SCUBE1: variants seen among roughly 807,000 people sequenced by gnomAD.
SCUBE1 encodes the protein signal peptide, CUB and EGF-like domain-containing protein 1.
In SCUBE1, 59 loss-of-function variants were observed where a neutral mutation model predicts 124.4. The observed-to-expected ratio is 0.47, with a 90% CI of 0.38 to 0.59. SCUBE1 has a LOEUF of 0.59. SCUBE1 is among the 20% of genes least tolerant of loss of function. SCUBE1 has a pLI of 0.00. For missense variants in SCUBE1, 1,150 were observed against 1,371.2 expected (o/e 0.84, Z 2.55); for synonymous variants, 545 against 550.9 (o/e 0.99, Z 0.15).
Position 43,320,079 on chromosome 22 carries a change from G to T in SCUBE1, c.221-14C>A. On this transcript the variant is annotated splice_polypyrimidine_tract_variant and intron_variant, in intron 2 of 21. Coordinates refer to ENST00000360835, the MANE Select transcript of SCUBE1 (RefSeq NM_173050.5). ...ACTCGTCAATGTCTGCAAAAGGAAG[G>T]GCATGAGAGGTGTCAGAAGAAGAGC... 6.2e-7 allele frequency: 1 copy of T among 1,613,394 alleles called. No individual in the cohort carries two copies. The highest frequency in any genetic ancestry group is 8.5e-7 in the Non-Finnish European group (1 of 1,179,568).
chr22:43,231,893 G>T lies in SCUBE1; in HGVS notation c.845-18C>A. 1.2e-6 allele frequency: 2 copies of T among 1,610,610 alleles called. No individual in the cohort carries two copies. The highest frequency in any genetic ancestry group is 8.5e-7 in the Non-Finnish European group (1 of 1,177,300). Reference sequence around the variant, plus strand: ...GTTGATGTCTGTGGGAGCCAAGGGGGATGGAGGAGTGAGAGCCAGGAGAAT... The same window carrying T: ...GTTGATGTCTGTGGGAGCCAAGGGGTATGGAGGAGTGAGAGCCAGGAGAAT... On this transcript the variant is annotated intron_variant, in intron 7 of 21. Coordinates refer to ENST00000360835, the MANE Select transcript of SCUBE1 (RefSeq NM_173050.5).
chr22:43,203,964 C>T lies in SCUBE1; in HGVS notation c.*33G>A. The T allele has an allele frequency of 1.2e-6, 2 of 1,612,250 alleles. No homozygotes were observed. Among genetic ancestry groups the T allele is most frequent in the Non-Finnish European group, 1.7e-6 (2 of 1,178,868 alleles). On this transcript the variant is annotated 3_prime_UTR_variant, in exon 22 of 22. Coordinates refer to ENST00000360835, the MANE Select transcript of SCUBE1 (RefSeq NM_173050.5). ...GAGGGCAGGTGCACCCTCCGCGGACCAGGCCACCCCCAGGCAGGGCCGCTC... is the reference window on the plus strand; with the variant it reads ...GAGGGCAGGTGCACCCTCCGCGGACTAGGCCACCCCCAGGCAGGGCCGCTC...
rs1324417554 is a variant in SCUBE1 at position 43,218,403 on chromosome 22, G to A, written c.1743C>T (p.Ala581=). ...RKRAEQSLQA[A]IKTLRKSIGR... ...CGATGGACTTGCGCAGGGTCTTGAT[G>A]GCGGCCTGCAGGCTCTGTTCTGCTC... is the stretch of plus-strand genomic sequence containing the variant. The change falls in exon 15 of 22, where the codon GCC becomes GCT. Residue 581 remains alanine (A), a synonymous_variant. Transcript: ENST00000360835. 6 of 1,613,280 alleles carry A rather than the reference G, an allele frequency of 3.7e-6. No individual in the cohort carries two copies. The African/African-American group carries it at 6.7e-5, about 18-fold the overall frequency.
intron 4 of SCUBE1, among the ~76,000 whole-genome samples, chr22:43,279,020 G>A (rs1301819575): frequency 6.6e-6 from 1 of 152,192 alleles, no homozygotes. Context: ...GGGAGAGGCA[G>A]AGTGGAAGAC....
intron 2 of SCUBE1, among the ~76,000 whole-genome samples, chr22:43,330,953 G>C (rs5759287): frequency 0.31 from 47,449 of 151,904 alleles, 7,808 homozygotes; most frequent in East Asian, 0.57. Context: ...TTCTCTCCCC[G>C]CTGAGCCTCC....
chr22:43,267,967 G>A (rs750539863), intron 4 of SCUBE1, among the ~76,000 whole-genome samples: 3 of 152,220 alleles, frequency 2.0e-5, no homozygotes. Flanking sequence ...CTGCTCTAGG[G>A]ATGGGCCTGG....
chr22:43,276,706 G>A (rs1924535698), intron 4 of SCUBE1, among the ~76,000 whole-genome samples: 1 of 152,230 alleles, frequency 6.6e-6, no homozygotes, highest in South Asian at 2.1e-4. Context: ...TGGGAAGCCA[G>A]GCTGTGGGCT....
chr22:43,215,409 G>A (rs142876515), intron 15 of SCUBE1, among the ~76,000 whole-genome samples: 1 of 152,374 alleles, frequency 6.6e-6, no homozygotes, highest in Non-Finnish European at 1.5e-5. Flanking sequence ...AATGTGACTA[G>A]TGAGCGTGGA....
intron 3 of SCUBE1, among the ~76,000 whole-genome samples, chr22:43,309,751 C>G (rs1011918505): frequency 1.3e-5 from 2 of 152,170 alleles, no homozygotes; most frequent in African/African-American, 2.4e-5. Flanking sequence ...CCATCTCAGC[C>G]ACAGCAGCAG....
chr22:43,296,969 C>T (rs1925585061), intron 3 of SCUBE1, among the ~76,000 whole-genome samples: 2 of 152,170 alleles, frequency 1.3e-5, no homozygotes, highest in Admixed American at 6.5e-5. Flanking sequence ...TCCTTCAGCC[C>T]GCAGAGCTGG....
rs1282232194 is a variant in SCUBE1 at position 43,222,711 on chromosome 22, T to C, written c.1359A>G (p.Gly453=). The C allele has an allele frequency of 1.2e-6, 2 of 1,606,278 alleles. No homozygotes were observed. The highest frequency in any genetic ancestry group is 1.7e-6 in the Non-Finnish European group (2 of 1,176,632). Residue 453 remains glycine, a synonymous_variant, in exon 12 of 22, where the codon GGA becomes GGG. Transcript: ENST00000360835. ...DSENSYVLSC[G]VPGPQGKALQ... is the part of the protein sequence containing the mutation. ...GCGCCTTGCCCTGCGGCCCTGGAAC[T>C]CCGCAGCTCAGGACGTAGCTATTTT...
chr22:43,243,062 C>T (rs1260792084), intron 6 of SCUBE1, among the ~76,000 whole-genome samples: 2 of 152,238 alleles, frequency 1.3e-5, no homozygotes, highest in Non-Finnish European at 2.9e-5. Flanking sequence ...TGAAACCAAT[C>T]GTGGGCCCTT....
Position 43,211,160 on chromosome 22 carries a change from G to C in SCUBE1, c.2222-77C>G. 2 of 1,437,742 alleles carry C rather than the reference G, an allele frequency of 1.4e-6. No individual in the cohort carries two copies. Among genetic ancestry groups the C allele is most frequent in the African/African-American group, 2.8e-5 (2 of 71,120 alleles). The allele number at this position is 1,437,742 out of a possible 1,614,324, so 89.1% of individuals were successfully genotyped here. On this transcript the variant is annotated intron_variant, in intron 17 of 21. Coordinates refer to ENST00000360835, the MANE Select transcript of SCUBE1 (RefSeq NM_173050.5). The surrounding 1 kb of genome is among the most constrained non-coding windows in gnomAD (Gnocchi z 4.5). ...GGCAGCACTGGGGTGCTGTCCCCAG[G>C]ACCTCTCATGCCCTCGAGGTCTGTT...
In SCUBE1 at chr22:43,208,840, G is replaced by A. The variant is rs115815387; in HGVS notation, c.2582-616C>T. Among the ~76,000 whole-genome samples, 528 of 152,318 alleles carry A rather than the reference G, an allele frequency of 3.5e-3. 1 individual carries two copies. Among genetic ancestry groups the A allele is most frequent in the African/African-American group, 0.012 (498 of 41,576 alleles). On this transcript the variant is annotated intron_variant, in intron 19 of 21. Transcript: ENST00000360835. ...TGCAAACCATCCTTTTCTCAGACACGGTGACAGTGGGAGCACCCCAGCCCT... is the reference window on the plus strand; with the variant it reads ...TGCAAACCATCCTTTTCTCAGACACAGTGACAGTGGGAGCACCCCAGCCCT...
intron 1 of SCUBE1, among the ~76,000 whole-genome samples, chr22:43,341,331 T>C (rs1222749085): frequency 6.6e-6 from 1 of 152,188 alleles, no homozygotes; most frequent in Non-Finnish European, 1.5e-5. Context: ...TGTGCAGGAC[T>C]GGCACTGCCT....
At chr22:43,256,743 G>C (rs1923675128) in intron 6 of SCUBE1, among the ~76,000 whole-genome samples, 2 of 152,248 alleles carry the variant, frequency 1.3e-5, no homozygotes, top group African/African-American at 4.8e-5. Flanking sequence ...CAAGAGAGGT[G>C]GCAAACCCTG....
At chr22:43,253,858 A>C (rs1027603146) in intron 6 of SCUBE1, among the ~76,000 whole-genome samples, 3 of 148,472 alleles carry the variant, frequency 2.0e-5, no homozygotes, top group African/African-American at 7.8e-5. Flanking sequence ...GGCCTCAGAC[A>C]GTAGTGCCCG....
chr22:43,244,624 G>A (rs1923134164), intron 6 of SCUBE1, among the ~76,000 whole-genome samples: 1 of 152,216 alleles, frequency 6.6e-6, no homozygotes, highest in South Asian at 2.1e-4. Flanking sequence ...GCGCTCTGTG[G>A]TGCACAATGG....
intron 8 of SCUBE1, among the ~76,000 whole-genome samples, chr22:43,231,342 C>T (rs1431116272): frequency 1.3e-5 from 2 of 152,246 alleles, no homozygotes; most frequent in Non-Finnish European, 2.9e-5. Flanking sequence ...TGCCCAGACC[C>T]CTCCTCATTA....
Sources: allele counts gnomAD v4.1 joint callset (sites outside exome capture counted in the v4.1 genomes callset), GRCh38; gene constraint gnomAD v4.1.1; non-coding constraint Gnocchi (gnomAD v3.1); transcripts MANE v1.5; gene names NCBI Gene and HGNC (gene_info 2026-07-23, HGNC 2026-07-21).